Variants in L3MBTL2 observed in about 807,000 individuals in gnomAD.
L3MBTL2 encodes the protein L3MBTL histone methyl-lysine binding protein 2.
L3MBTL2 carries 49 observed loss-of-function variants against 86.4 expected under a neutral mutation model. The observed-to-expected ratio is 0.57, with a 90% CI of 0.45 to 0.72. The LOEUF is 0.72. Among genes scored for constraint, L3MBTL2 ranks in the 30% least tolerant of loss-of-function variants. The pLI, the probability that L3MBTL2 is intolerant of heterozygous loss-of-function variation, is 0.00. For missense variants in L3MBTL2, 755 were observed against 923.7 expected (o/e 0.82, Z 2.37); for synonymous variants, 336 against 350.6 (o/e 0.96, Z 0.47).
At chr22:41,216,686 A>G (rs967101184) in intron 4 of L3MBTL2, among the ~76,000 whole-genome samples, 4 of 152,174 alleles carry the variant, frequency 2.6e-5, no homozygotes, top group African/African-American at 7.2e-5. Flanking sequence ...CAACTCTGCT[A>G]TCATTGTTCT....
At chr22:41,223,996 G>C (rs544567858) in intron 8 of L3MBTL2, 24 bp from the exon 9 acceptor site, 1 of 1,589,968 alleles carries the variant, frequency 6.3e-7, no homozygotes, top group Admixed American at 1.7e-5. Context: ...GCCATAGCAG[G>C]CCTGTGTTCT....
intron 6 of L3MBTL2, 36 bp downstream of exon 6, chr22:41,219,572 C>A: frequency 7.3e-7 from 1 of 1,367,780 alleles, no homozygotes; most frequent in Non-Finnish European, 1.0e-6. Context: ...AGGGATGTGT[C>A]TGCAGAGTGA....
Position 41,230,471 on chromosome 22 carries a change from C to T in L3MBTL2, c.*220C>T. ...GTGGAAAGGTCTATATGACGGGCCG[C>T]CTGAGGCCCCAGAACTCGTCTGTGA... On this transcript the variant is annotated 3_prime_UTR_variant, in exon 17 of 17. Coordinates refer to ENST00000216237, the MANE Select transcript of L3MBTL2 (RefSeq NM_031488.5). The T allele has an allele frequency of 3.8e-6, 2 of 520,296 alleles. No homozygotes were observed. The highest frequency in any genetic ancestry group is 6.8e-6 in the Non-Finnish European group (2 of 293,850). The allele number at this position is 520,296 out of a possible 1,614,324, so 32.2% of individuals were successfully genotyped here.
intron 2 of L3MBTL2, among the ~76,000 whole-genome samples, chr22:41,212,113 C>T (rs964199406): frequency 6.6e-6 from 1 of 152,090 alleles, no homozygotes; most frequent in African/African-American, 2.4e-5. Flanking sequence ...ATCCGCCCGC[C>T]TCAGCCTCCC....
At chr22:41,226,604 T>G in intron 12 of L3MBTL2, 58 bp from the exon 13 acceptor site, 1 of 1,234,020 alleles carries the variant, frequency 8.1e-7, no homozygotes, top group Non-Finnish European at 1.2e-6. Flanking sequence ...TGTCCTTTCC[T>G]CCTGCCCACT....
rs373887902 is a variant in L3MBTL2, at chr22:41,229,633, C to T, written c.1982C>T (p.Ser661Leu). ...EDDPQGARKI[S>L]SEPVPGEIIA... is the part of the protein sequence containing the mutation. ...GACCCTCAGGGTGCCAGGAAGATCT[C>T]GTCGGAGCCTGTTCCTGGCGAGAGT... The change falls in exon 16 of 17, where the codon TCG (serine) becomes TTG (leucine). Residue 661 changes from serine (S) to leucine (L), a missense_variant. This residue lies in a region of L3MBTL2 where 634 missense variants were observed against 748.9 expected (regional missense o/e 0.85). Coordinates refer to ENST00000216237, the MANE Select transcript of L3MBTL2 (RefSeq NM_031488.5). 115 of 1,613,774 alleles carry T rather than the reference C, an allele frequency of 7.1e-5. No homozygotes were observed. The African/African-American group carries it at 8.7e-4, about 12-fold the overall frequency.
chr22:41,227,484 T>C lies in L3MBTL2; in HGVS notation c.1822+161T>C. ...AGCCCCGTCACCCAGCCCCTGCTCCTGACTTCTCTGTCTCCCTTTCCCTCT... is the reference window on the plus strand; with the variant it reads ...AGCCCCGTCACCCAGCCCCTGCTCCCGACTTCTCTGTCTCCCTTTCCCTCT... On this transcript the variant is annotated intron_variant, in intron 14 of 16. Coordinates refer to ENST00000216237, the MANE Select transcript of L3MBTL2 (RefSeq NM_031488.5). This position sits in a 1 kb window ranked among gnomAD's most constrained non-coding sequence, Gnocchi z 6.0. 2.4e-6 allele frequency: 3 copies of C among 1,258,194 alleles called. No homozygotes were observed. The highest frequency in any genetic ancestry group is 1.1e-6 in the Non-Finnish European group (1 of 881,754). The allele number at this position is 1,258,194 out of a possible 1,614,324, so 77.9% of individuals were successfully genotyped here.
chr22:41,212,187 T>C (rs1466436248), intron 2 of L3MBTL2, among the ~76,000 whole-genome samples: 1 of 152,046 alleles, frequency 6.6e-6, no homozygotes, highest in African/African-American at 2.4e-5. Flanking sequence ...ATTTATATTG[T>C]CTTCTTTTCA....
At chr22:41,213,717 A>G (rs762696788) in intron 2 of L3MBTL2, 176 bp from the exon 3 acceptor site, 1 of 631,046 alleles carries the variant, frequency 1.6e-6, no homozygotes, top group Non-Finnish European at 2.7e-6. Context: ...CACTTCATTC[A>G]GGTAGATTCA....
intron 6 of L3MBTL2, 21 bp downstream of exon 6, chr22:41,219,557 G>A: frequency 6.7e-7 from 1 of 1,496,848 alleles, no homozygotes; most frequent in Non-Finnish European, 9.3e-7. Context: ...GGCCAGGGCA[G>A]GGCCAGGGAT....
chr22:41,217,125 C>G lies in L3MBTL2; in HGVS notation c.523C>G (p.Leu175Val), dbSNP rs748231394. ...GACTCGTCCTCTCTGCTCTGCAGCT[C>G]TGGTCTTGGGCTTCGACTGGGGGAA... The part of the protein sequence containing the change: ...ADGTPTGQDA[L>V]VLGFDWGKFL... Residue 175 changes from leucine (L) to valine (V), a missense_variant and splice_region_variant, in exon 5 of 17, where the codon CTG becomes GTG. By Grantham distance (32) the Leu-to-Val change is conservative. This residue lies in a region of L3MBTL2 where 634 missense variants were observed against 748.9 expected (regional missense o/e 0.85). Transcript: ENST00000216237. 1 of 1,613,754 alleles carries G rather than the reference C, an allele frequency of 6.2e-7. No homozygotes were observed. The highest frequency in any genetic ancestry group is 8.5e-7 in the Non-Finnish European group (1 of 1,179,880).
rs2032532377 is a variant in L3MBTL2 at position 41,230,567 on chromosome 22, C to A, written c.*316C>A. Reference sequence around the variant, plus strand: ...CTGCTCTTCCTTAAGATGGCCTCCCCCCGACCCGCCACGGCCCTCAGTTGC... The same window carrying A: ...CTGCTCTTCCTTAAGATGGCCTCCCACCGACCCGCCACGGCCCTCAGTTGC... On this transcript the variant is annotated 3_prime_UTR_variant, in exon 17 of 17. Coordinates refer to ENST00000216237, the MANE Select transcript of L3MBTL2 (RefSeq NM_031488.5). 5 of 369,440 alleles carry A rather than the reference C, an allele frequency of 1.4e-5. No homozygotes were observed. Among genetic ancestry groups the A allele is most frequent in the South Asian group, 6.1e-5 (2 of 32,698 alleles). The allele number at this position is 369,440 out of a possible 1,614,324, so 22.9% of individuals were successfully genotyped here. A position where few individuals can be genotyped will look rare whatever the true frequency, so the allele number is the denominator to read the frequency against.
At chr22:41,213,050 TAC>T (rs1265010275) in intron 2 of L3MBTL2, among the ~76,000 whole-genome samples, 2 of 151,878 alleles carry the variant, frequency 1.3e-5, no homozygotes, top group African/African-American at 4.8e-5. Context: ...ACCCCGTCTC[TAC>T]TAAAAACACA....
intron 5 of L3MBTL2, 82 bp downstream of exon 5, chr22:41,217,284 C>T: frequency 9.6e-7 from 1 of 1,040,064 alleles, no homozygotes; most frequent in South Asian, 1.3e-5. Flanking sequence ...AGGGCGGCTT[C>T]AGGCTGGACA....
chr22:41,229,477 A>C (rs1183325363), intron 15 of L3MBTL2, 63 bp from the exon 16 acceptor site: 1 of 1,555,962 alleles, frequency 6.4e-7, no homozygotes, highest in Admixed American at 1.8e-5. Context: ...GGTGAGACCT[A>C]TCCCATAAAG....
chr22:41,228,577 G>A lies in L3MBTL2; in HGVS notation c.1888+708G>A, dbSNP rs1048374996. 4.5e-5 allele frequency: 43 copies of A among 946,598 alleles called. No individual in the cohort carries two copies. In the African/African-American group the frequency reaches 5.8e-4, roughly 13 times the overall value. The allele number at this position is 946,598 out of a possible 1,614,324, so 58.6% of individuals were successfully genotyped here. A position where few individuals can be genotyped will look rare whatever the true frequency, so the allele number is the denominator to read the frequency against. ...TTAAGATTGAGTGAGGCGGCCAGGC[G>A]CGGTGGCTCACACCTGTAATCCCAT... On this transcript the variant is annotated intron_variant, in intron 15 of 16. Coordinates refer to ENST00000216237, the MANE Select transcript of L3MBTL2 (RefSeq NM_031488.5).
rs762734938 is a variant in L3MBTL2 at position 41,209,878 on chromosome 22, G to T, written c.207G>T (p.Leu69=). The part of the protein sequence containing the change: ...REAGELPTSP[L]HLLSPGTPRS... ...CAGGGGAACTGCCGACCTCCCCGCT[G>T]CATTTGCTCAGCCCTGGGACTCCTC... Residue 69 remains leucine, a synonymous_variant, in exon 2 of 17, where the codon CTG becomes CTT. Transcript: ENST00000216237. 2 of 1,614,002 alleles carry T rather than the reference G, an allele frequency of 1.2e-6. No individual in the cohort carries two copies. Among genetic ancestry groups the T allele is most frequent in the Admixed American group, 1.7e-5 (1 of 59,984 alleles).
At chr22:41,219,239 G>A (rs980883076) in intron 5 of L3MBTL2, 180 bp from the exon 6 acceptor site, 19 of 529,360 alleles carry the variant, frequency 3.6e-5, no homozygotes, top group Middle Eastern at 5.6e-4. Flanking sequence ...CTCTACTCCC[G>A]GCTTAGCTCT....
Position 41,216,945 on chromosome 22 carries a change from C to T in L3MBTL2, c.521-178C>T, listed in dbSNP as rs547036169. 136 of 581,848 alleles carry T rather than the reference C, an allele frequency of 2.3e-4. No individual in the cohort carries two copies. In the African/African-American group the frequency reaches 2.5e-3, roughly 11 times the overall value. 36.0% of individuals were successfully genotyped at this position (581,848 alleles called of 1,614,324 possible). ...AATTCAGTCCTCAACAGTGGTCCCT[C>T]ATGGCCACTGGTGGATCAGGTATGG... On this transcript the variant is annotated intron_variant, in intron 4 of 16. Coordinates refer to ENST00000216237, the MANE Select transcript of L3MBTL2 (RefSeq NM_031488.5).
Sources: allele counts gnomAD v4.1 joint callset (sites outside exome capture counted in the v4.1 genomes callset), GRCh38; gene constraint gnomAD v4.1.1; regional missense constraint gnomAD v4.1.1; non-coding constraint Gnocchi (gnomAD v3.1); transcripts MANE v1.5; gene names NCBI Gene and HGNC (gene_info 2026-07-23, HGNC 2026-07-21).